TPTE2: variants seen among roughly 807,000 people sequenced by gnomAD.
The protein encoded by TPTE2 is transmembrane phosphoinositide 3-phosphatase and tensin homolog 2.
In TPTE2, 53 loss-of-function variants were observed where a neutral mutation model predicts 78.6. That is an observed-to-expected ratio of 0.67 (90% CI 0.54 to 0.85). The LOEUF is 0.85. Among genes scored for constraint, TPTE2 ranks in the 40% least tolerant of loss-of-function variants. The probability of loss-of-function intolerance (pLI) is 0.00; values close to 1 mark genes in which losing one functional copy is unlikely to be tolerated. For synonymous variants in TPTE2, 175 were observed against 206.2 expected (o/e 0.85, Z 1.30); for missense variants, 461 against 623.0 (o/e 0.74, Z 2.77).
rs374284614 is a variant in TPTE2, at chr13:19,429,855, C to T, written c.1302+613G>A. On this transcript the variant is annotated intron_variant, in intron 17 of 19. Transcript: ENST00000400230. ...TAGGCATTTCTTCATTGTAGCAAAA[C>T]ATTGACTACCAGGTCCCTTTTGCTT... 6.6e-5 allele frequency among the ~76,000 whole-genome samples: 10 copies of T among 152,176 alleles called. 2 individuals carry two copies. The East Asian group carries it at 1.2e-3, about 18-fold the overall frequency.
At chr13:19,471,272 C>T (rs1879599166) in intron 6 of TPTE2, among the ~76,000 whole-genome samples, 1 of 152,138 alleles carries the variant, frequency 6.6e-6, no homozygotes. Context: ...TCTGCTGACA[C>T]TCAGTGTTAT....
At chr13:19,503,283 G>A (rs1868745112), upstream of TPTE2, 1 of 1,613,434 alleles carries the variant, frequency 6.2e-7, no homozygotes, top group Non-Finnish European at 8.5e-7. Flanking sequence ...GTGGACTAGA[G>A]GATGACAAAA....
chr13:19,441,574 C>T lies in TPTE2; in HGVS notation c.974-3421G>A, dbSNP rs973731649. On this transcript the variant is annotated intron_variant, in intron 13 of 19. Coordinates refer to ENST00000400230, the Ensembl canonical transcript of TPTE2. The stretch of plus-strand genomic sequence containing the variant: ...AAGAAGTCATACCTTACAATTATCT[C>T]AATTAATGCAGGAAAAAGCATTCAC... Among the ~76,000 whole-genome samples the T allele has an allele frequency of 9.9e-5, 15 of 152,264 alleles. 1 individual carries two copies. Among genetic ancestry groups the T allele is most frequent in the African/African-American group, 3.6e-4 (15 of 41,558 alleles).
chr13:19,552,466 CAA>C, the TPTE2 span: 301 of 477,882 alleles, frequency 6.3e-4, 3 homozygotes, highest in South Asian at 0.012. Context: ...GAGATATCTA[CAA>C]AGTGTTTTGA....
intron 11 of TPTE2, 31 bp from the exon 15 acceptor site, chr13:19,450,375 T>C: frequency 6.4e-7 from 1 of 1,558,898 alleles, no homozygotes. Flanking sequence ...GTCATATCTC[T>C]ATAGGGAATA....
rs146587865 is a variant in TPTE2 at position 19,485,046 on chromosome 13, T to C, written c.120-2499A>G. ...TGTTTTCTGGTTGTTTTGTATATGT[T>C]TTATTCCTTTCTTCCTGTTTACTTT... On this transcript the variant is annotated intron_variant, in intron 3 of 19. Coordinates refer to ENST00000400230, the Ensembl canonical transcript of TPTE2. Among the ~76,000 whole-genome samples, 403 of 152,262 alleles carry C rather than the reference T, an allele frequency of 2.6e-3. 2 individuals are homozygous for C. The highest frequency in any genetic ancestry group is 9.2e-3 in the African/African-American group (381 of 41,570).
At chr13:19,463,563 T>C (rs762750829) in intron 10 of TPTE2, among the ~76,000 whole-genome samples, 4 of 152,198 alleles carry the variant, frequency 2.6e-5, no homozygotes, top group Non-Finnish European at 5.9e-5. Context: ...TTTTCATGTT[T>C]CTTGTGGCCC....
At chr13:19,472,226 A>G (rs369024844) in intron 6 of TPTE2, among the ~76,000 whole-genome samples, 3 of 152,060 alleles carry the variant, frequency 2.0e-5, no homozygotes, top group African/African-American at 7.2e-5. Flanking sequence ...TAGGTTTGGG[A>G]CGTTCTGTTA....
chr13:19,501,602 T>A (rs1049086734), intron 1 of TPTE2, among the ~76,000 whole-genome samples: 6 of 151,968 alleles, frequency 3.9e-5, no homozygotes, highest in African/African-American at 1.5e-4. Context: ...TAGCCATAAG[T>A]AGAAAGCAGA....
rs1187823075 is a variant in TPTE2, at chr13:19,535,215, A to T, written c.-44+1381T>A. On this transcript the variant is annotated intron_variant, in intron 1 of 17. Transcript: ENST00000390680. This position sits in a 1 kb window ranked among gnomAD's most constrained non-coding sequence, Gnocchi z 5.1. Reference sequence around the variant, plus strand: ...GAGATTCCTTCTCAAAAAAACAAACAAACAAAAAAATATATATATATATAT... The same window carrying T: ...GAGATTCCTTCTCAAAAAAACAAACTAACAAAAAAATATATATATATATAT... Among the ~76,000 whole-genome samples, 3 of 16,722 alleles carry T rather than the reference A, an allele frequency of 1.8e-4. No individual in the cohort carries two copies. Among genetic ancestry groups the T allele is most frequent in the Admixed American group, 2.2e-3 (2 of 908 alleles). 11.0% of individuals were successfully genotyped at this position (16,722 alleles called of 152,430 possible). A position where few individuals can be genotyped will look rare whatever the true frequency, so the allele number is the denominator to read the frequency against.
rs770030606 is a variant in TPTE2 at position 19,473,930 on chromosome 13, G to C, written c.376C>G (p.Arg126Gly). 1.2e-6 allele frequency: 2 copies of C among 1,600,506 alleles called. No homozygotes were observed. Among genetic ancestry groups the C allele is most frequent in the East Asian group, 4.5e-5 (2 of 44,706 alleles). ...CAAACTTACCCTTCTACAAATACTC[G>C]AAGAAGAACATCCATGAGAAAAAAT... The change falls in exon 6 of 20, where the codon CGA (arginine) becomes GGA (glycine). Residue 126 changes from arginine to glycine, a missense_variant. By Grantham distance (125) the Arg-to-Gly change is moderately radical. Transcript: ENST00000400230.
chr13:19,531,225 C>T (rs979800534), intron 1 of TPTE2, among the ~76,000 whole-genome samples: 1 of 152,134 alleles, frequency 6.6e-6, no homozygotes, highest in African/African-American at 2.4e-5. Flanking sequence ...ATCTATACCT[C>T]ATTTTGTTTA....
At chr13:19,509,412 A>G (rs1329861688) in intron 1 of TPTE2, among the ~76,000 whole-genome samples, 1 of 152,216 alleles carries the variant, frequency 6.6e-6, no homozygotes, top group South Asian at 2.1e-4. Flanking sequence ...GTGAATATCC[A>G]AATACAATGT....
At chr13:19,522,630 T>C (rs1264212705) in intron 1 of TPTE2, among the ~76,000 whole-genome samples, 4 of 147,034 alleles carry the variant, frequency 2.7e-5, no homozygotes, top group African/African-American at 1.0e-4. Flanking sequence ...TTTTTTTTTT[T>C]TTTTTTCTTT....
chr13:19,560,883 G>A, the TPTE2 span: 10 of 1,572,582 alleles, frequency 6.4e-6, no homozygotes, highest in Admixed American at 1.9e-5. Flanking sequence ...TTGCGTCTCC[G>A]CTTGGTGATC....
chr13:19,447,008 CAT>C (rs1877882336), intron 13 of TPTE2, among the ~76,000 whole-genome samples: 3 of 152,172 alleles, frequency 2.0e-5, no homozygotes, highest in Admixed American at 2.0e-4. Context: ...TTAAAGGCAA[CAT>C]GTGGGGAGAA....
At chr13:19,467,001 A>T (rs1292644892) in intron 7 of TPTE2, among the ~76,000 whole-genome samples, 1 of 152,190 alleles carries the variant, frequency 6.6e-6, no homozygotes, top group Non-Finnish European at 1.5e-5. Context: ...CATCTTCTTT[A>T]TTCCATTAAT....
intron 6 of TPTE2, among the ~76,000 whole-genome samples, chr13:19,468,681 T>C (rs1174250795): frequency 1.3e-5 from 2 of 152,228 alleles, no homozygotes; most frequent in African/African-American, 4.8e-5. Context: ...GGATTTGTTA[T>C]TGCCTGACTT....
chr13:19,426,525 T>TG lies in TPTE2; in HGVS notation c.1303-9dup. 1 of 1,491,856 alleles carries TG rather than the reference T, an allele frequency of 6.7e-7. No homozygotes were observed. The highest frequency in any genetic ancestry group is 9.4e-7 in the Non-Finnish European group (1 of 1,069,510). The allele number at this position is 1,491,856 out of a possible 1,614,324, so 92.4% of individuals were successfully genotyped here. ...TTCAATGTCATGCAATATCTATGAA[T>TG]GAACACATGGAATTGAGAACTACAA... On this transcript the variant is annotated splice_polypyrimidine_tract_variant and intron_variant, in intron 17 of 19. Transcript: ENST00000400230.
Sources: allele counts gnomAD v4.1 joint callset (sites outside exome capture counted in the v4.1 genomes callset), GRCh38; gene constraint gnomAD v4.1.1; non-coding constraint Gnocchi (gnomAD v3.1); transcripts MANE v1.5; gene names NCBI Gene and HGNC (gene_info 2026-07-23, HGNC 2026-07-21).